Variants in R3HDM1 observed in about 807,000 individuals in gnomAD.
R3HDM1 encodes the protein R3H domain containing 1, also known as R3H domain-containing protein 1.
A neutral mutation model predicts 141.1 loss-of-function variants in R3HDM1; 46 were observed. The observed-to-expected ratio is 0.33, with a 90% CI of 0.26 to 0.42. The LOEUF (loss-of-function observed/expected upper bound fraction) is 0.42, where lower values mean the gene tolerates loss of function less well. Among genes scored for constraint, R3HDM1 ranks in the 10% least tolerant of loss-of-function variants. R3HDM1 has a pLI of 1.00. For missense variants in R3HDM1, 1,184 were observed against 1,368.3 expected (o/e 0.87, Z 2.12); for synonymous variants, 435 against 472.9 (o/e 0.92, Z 1.04).
At chr2:135,558,463 G>T (rs112843686) in intron 1 of R3HDM1, among the ~76,000 whole-genome samples, 117 of 152,092 alleles carry the variant, frequency 7.7e-4, no homozygotes, top group African/African-American at 2.6e-3. Context: ...TTTGTAAAAT[G>T]AGAGTAAATA....
At chr2:135,570,795 TG>T (rs754185971) in intron 1 of R3HDM1, among the ~76,000 whole-genome samples, 1 of 152,248 alleles carries the variant, frequency 6.6e-6, no homozygotes, top group Non-Finnish European at 1.5e-5. Context: ...ACAATTTTAT[TG>T]TTCCAGGTCC....
chr2:135,622,873 A>G (rs2061638744), intron 7 of R3HDM1, 141 bp downstream of exon 7: 1 of 1,356,198 alleles, frequency 7.4e-7, no homozygotes. Context: ...TTTTTAGGGC[A>G]AAGATGTTGT....
At chr2:135,552,416 G>A (rs902098222) in intron 1 of R3HDM1, among the ~76,000 whole-genome samples, 5 of 151,808 alleles carry the variant, frequency 3.3e-5, no homozygotes, top group East Asian at 1.9e-4. Context: ...GGCTGGTCTC[G>A]AACTCCTGAC....
At chr2:135,599,494 T>A (rs1025732413) in intron 1 of R3HDM1, among the ~76,000 whole-genome samples, 1 of 152,234 alleles carries the variant, frequency 6.6e-6, no homozygotes, top group Non-Finnish European at 1.5e-5. Context: ...GTACAACTAT[T>A]TATTATATTA....
chr2:135,710,256 T>C lies in R3HDM1; in HGVS notation c.2736+25T>C, dbSNP rs751250353. The C allele has an allele frequency of 1.9e-6, 3 of 1,588,908 alleles. No homozygotes were observed. In the Admixed American group the frequency reaches 5.1e-5, roughly 27 times the overall value. On this transcript the variant is annotated intron_variant, in intron 23 of 26. Coordinates refer to ENST00000683871, the MANE Select transcript of R3HDM1 (RefSeq NM_001378107.1). The stretch of plus-strand genomic sequence containing the variant: ...GGTAAGATGGTTTTGTTCATTATCA[T>C]TTTGAAACGTTACATTTTTGTTACC...
At chr2:135,572,705 A>T (rs1330936237) in intron 1 of R3HDM1, among the ~76,000 whole-genome samples, 2 of 152,052 alleles carry the variant, frequency 1.3e-5, no homozygotes, top group Admixed American at 1.3e-4. Context: ...TTTGCATAAT[A>T]CATGAATGTT....
At chr2:135,669,413 A>G in intron 19 of R3HDM1, 1 of 984,566 alleles carries the variant, frequency 1.0e-6, no homozygotes, top group Non-Finnish European at 1.2e-6. Flanking sequence ...AATGAACGAA[A>G]AGTTTCCTTG....
chr2:135,544,534 CAAAA>C (rs542055071), intron 1 of R3HDM1, among the ~76,000 whole-genome samples: 5 of 151,860 alleles, frequency 3.3e-5, no homozygotes, highest in African/African-American at 1.2e-4. Context: ...GAAGGGCTAA[CAAAA>C]AAAGGTAAAA....
chr2:135,630,280 CCA>C (rs2062531111), intron 7 of R3HDM1, among the ~76,000 whole-genome samples: 3 of 19,228 alleles, frequency 1.6e-4, no homozygotes, highest in African/African-American at 4.4e-4. Context: ...TCCTTCTCAA[CCA>C]AAAAAAAAAA....
At chr2:135,653,588 A>G (rs1316116504) in intron 18 of R3HDM1, among the ~76,000 whole-genome samples, 1 of 152,114 alleles carries the variant, frequency 6.6e-6, no homozygotes, top group African/African-American at 2.4e-5. Context: ...CCCATGACTT[A>G]CTTAGAAGTA....
intron 7 of R3HDM1, 30 bp from the exon 8 acceptor site, chr2:135,631,688 A>G (rs760106990): frequency 6.6e-7 from 1 of 1,519,944 alleles, no homozygotes. Flanking sequence ...GCTAAGTTTT[A>G]CATATAAGAG....
At chr2:135,574,879 A>T (rs1020931655) in intron 1 of R3HDM1, among the ~76,000 whole-genome samples, 1 of 152,200 alleles carries the variant, frequency 6.6e-6, no homozygotes, top group African/African-American at 2.4e-5. Flanking sequence ...AATGGGAAAT[A>T]CTAGAAGTAT....
At chr2:135,532,760 C>T (rs1456477264) in intron 1 of R3HDM1, among the ~76,000 whole-genome samples, 3 of 152,176 alleles carry the variant, frequency 2.0e-5, no homozygotes, top group African/African-American at 7.2e-5. Flanking sequence ...AATAATTGGA[C>T]ACGTCTCAAT....
intron 7 of R3HDM1, among the ~76,000 whole-genome samples, chr2:135,630,502 A>G (rs2062602982): frequency 6.6e-6 from 1 of 151,784 alleles, no homozygotes; most frequent in Non-Finnish European, 1.5e-5. Context: ...TTTTCTGTTG[A>G]TTTTTTTTAA....
chr2:135,696,884 T>G (rs1167321051), intron 21 of R3HDM1, among the ~76,000 whole-genome samples: 2 of 152,126 alleles, frequency 1.3e-5, no homozygotes, highest in Non-Finnish European at 2.9e-5. Context: ...GAGTAAGAAT[T>G]TGTGAGGTTA....
intron 21 of R3HDM1, among the ~76,000 whole-genome samples, chr2:135,692,683 T>A (rs889305320): frequency 5.3e-5 from 8 of 151,038 alleles, no homozygotes; most frequent in Middle Eastern, 3.4e-3. Context: ...TGAGACTCTT[T>A]AAAAAAAAAG....
intron 24 of R3HDM1, among the ~76,000 whole-genome samples, chr2:135,716,377 G>A (rs536549511): frequency 1.4e-4 from 21 of 152,300 alleles, no homozygotes; most frequent in African/African-American, 4.3e-4. Flanking sequence ...TATGCCCTTG[G>A]TGTATAAAGA....
At chr2:135,677,597 C>T (rs1015811083) in intron 20 of R3HDM1, among the ~76,000 whole-genome samples, 2 of 151,848 alleles carry the variant, frequency 1.3e-5, no homozygotes, top group African/African-American at 4.8e-5. Flanking sequence ...TGAAAATATT[C>T]CAGAGCTAAG....
chr2:135,682,675 C>T (rs1340453178), intron 21 of R3HDM1, among the ~76,000 whole-genome samples: 1 of 152,182 alleles, frequency 6.6e-6, no homozygotes, highest in Non-Finnish European at 1.5e-5. Context: ...ATGAGATTCT[C>T]CAACAACCTC....
Sources: allele counts gnomAD v4.1 joint callset (sites outside exome capture counted in the v4.1 genomes callset), GRCh38; gene constraint gnomAD v4.1.1; transcripts MANE v1.5; gene names NCBI Gene and HGNC (gene_info 2026-07-23, HGNC 2026-07-21).